The following UBE2F variants were observed in gnomAD, a reference collection of about 807,000 sequenced individuals.
UBE2F encodes NEDD8-conjugating enzyme UBE2F.
UBE2F carries 5 observed loss-of-function variants against 29.6 expected under a neutral mutation model. The ratio of observed to expected loss-of-function variants is 0.17; its 90% CI spans 0.09 to 0.36. UBE2F has a LOEUF of 0.36. Among genes scored for constraint, UBE2F ranks in the 10% least tolerant of loss-of-function variants. The pLI is 1.00. For synonymous variants in UBE2F, 66 were observed against 81.8 expected, an observed-to-expected ratio of 0.81 and a Z score of 1.04; for missense variants, 141 against 228.5, an observed-to-expected ratio of 0.62 and a Z score of 2.47.
intron 3 of UBE2F, among the ~76,000 whole-genome samples, chr2:237,989,813 A>T (rs1327528238): frequency 2.6e-5 from 4 of 151,600 alleles, no homozygotes; most frequent in African/African-American, 9.7e-5. Context: ...ATATCTTGAG[A>T]TTCTGTTAAA....
At position 237,967,367 on chromosome 2, in the gene UBE2F, C is replaced by T. The variant is rs2106314454; in HGVS notation, c.-17+235C>T. On this transcript the variant is annotated intron_variant, in intron 1 of 9. Coordinates refer to ENST00000272930, the MANE Select transcript of UBE2F (RefSeq NM_080678.3). The surrounding 1 kb of genome is among the most constrained non-coding windows in gnomAD (Gnocchi z 6.3). ...CGGGGGTCGGAGGCGGCGTCGGCGG[C>T]CGGGGCGCTGGCCTCGCCCGGCAGT... Among the ~76,000 whole-genome samples, 1 of 148,796 alleles carries T rather than the reference C, an allele frequency of 6.7e-6. No homozygotes were observed. Among genetic ancestry groups the T allele is most frequent in the African/African-American group, 2.4e-5 (1 of 41,140 alleles).
intron 2 of UBE2F, among the ~76,000 whole-genome samples, chr2:237,986,006 CATGTT>C (rs1462112636): frequency 6.6e-6 from 1 of 151,846 alleles, no homozygotes; most frequent in Non-Finnish European, 1.5e-5. Flanking sequence ...TATGTCTATT[CATGTT>C]TTTTGCCCAT....
At chr2:238,004,723 TAAGG>T (rs1432473077) in intron 4 of UBE2F, among the ~76,000 whole-genome samples, 1 of 152,108 alleles carries the variant, frequency 6.6e-6, no homozygotes, top group African/African-American at 2.4e-5. Flanking sequence ...CATCTGATCT[TAAGG>T]GAGGGAGATT....
chr2:237,969,664 C>G (rs914520182), intron 1 of UBE2F, among the ~76,000 whole-genome samples: 2 of 152,180 alleles, frequency 1.3e-5, no homozygotes. Flanking sequence ...AGTCTGCACA[C>G]GGGGCAGCAG....
rs1225129462 is a variant in UBE2F, at chr2:237,967,345, G to A, written c.-17+213G>A. Reference sequence around the variant, plus strand: ...CCGCGGGCCGCGGGCCGCGAGCCGGGGGTCGGAGGCGGCGTCGGCGGCCGG... The same window carrying A: ...CCGCGGGCCGCGGGCCGCGAGCCGGAGGTCGGAGGCGGCGTCGGCGGCCGG... On this transcript the variant is annotated intron_variant, in intron 1 of 9. Transcript: ENST00000272930. This position sits in a 1 kb window ranked among gnomAD's most constrained non-coding sequence, Gnocchi z 6.3. 1.4e-5 allele frequency among the ~76,000 whole-genome samples: 2 copies of A among 147,206 alleles called. No individual in the cohort carries two copies. Among genetic ancestry groups the A allele is most frequent in the African/African-American group, 2.4e-5 (1 of 40,942 alleles).
At chr2:238,033,743 C>T (rs74329489) in intron 8 of UBE2F, among the ~76,000 whole-genome samples, 2,181 of 152,312 alleles carry the variant, frequency 0.014, 45 homozygotes, top group African/African-American at 0.05. Context: ...TCAGGATCTC[C>T]CTGAATCTCC....
Position 237,967,065 on chromosome 2 carries a change from G to C in UBE2F, c.-84G>C. On this transcript the variant is annotated 5_prime_UTR_variant, in exon 1 of 10. Transcript: ENST00000272930. This position sits in a 1 kb window ranked among gnomAD's most constrained non-coding sequence, Gnocchi z 6.3. ...GTGCGGCTGTGAGGGGCCGCGTCTCGCAGCAGCCGCCCGGACCGGGCATGG... is the reference window on the plus strand; with the variant it reads ...GTGCGGCTGTGAGGGGCCGCGTCTCCCAGCAGCCGCCCGGACCGGGCATGG... 1 of 1,323,356 alleles carries C rather than the reference G, an allele frequency of 7.6e-7. No homozygotes were observed. The highest frequency in any genetic ancestry group is 9.7e-7 in the Non-Finnish European group (1 of 1,035,784). The allele number at this position is 1,323,356 out of a possible 1,614,324, so 82.0% of individuals were successfully genotyped here. A position where few individuals can be genotyped will look rare whatever the true frequency, so the allele number is the denominator to read the frequency against.
At chr2:238,019,243 G>C (rs2064235609) in intron 5 of UBE2F, among the ~76,000 whole-genome samples, 1 of 152,180 alleles carries the variant, frequency 6.6e-6, no homozygotes, top group African/African-American at 2.4e-5. Flanking sequence ...GGGCTGGTCA[G>C]ATTTCATCAG....
Position 238,030,570 on chromosome 2 carries a change from A to G in UBE2F, c.368A>G (p.His123Arg). Residue 123 changes from histidine to arginine, a missense_variant, in exon 7 of 10, where the codon CAT becomes CGT. By Grantham distance (29) the His-to-Arg change is conservative. Transcript: ENST00000272930. ...GTCTTTTTCAGTTTATTGAGAGAAC[A>G]TTCAATTGATGGCACTGGCTGGGCT... is the stretch of plus-strand genomic sequence containing the variant. ...GEICLSLLRE[H>R]SIDGTGWAPT... 6.2e-7 allele frequency: 1 copy of G among 1,613,642 alleles called. No homozygotes were observed. Among genetic ancestry groups the G allele is most frequent in the Non-Finnish European group, 8.5e-7 (1 of 1,179,762 alleles).
At chr2:238,000,864 CATT>C (rs1234637582) in intron 4 of UBE2F, among the ~76,000 whole-genome samples, 2 of 152,100 alleles carry the variant, frequency 1.3e-5, no homozygotes, top group Non-Finnish European at 2.9e-5. Flanking sequence ...GTATATATCT[CATT>C]ATAACTTTAA....
intron 2 of UBE2F, among the ~76,000 whole-genome samples, chr2:237,981,183 TG>T (rs1276999204): frequency 6.6e-6 from 1 of 152,154 alleles, no homozygotes; most frequent in East Asian, 1.9e-4. Context: ...GTTCTTCAGG[TG>T]GTGAGGGTGT....
In UBE2F at chr2:237,973,169, C is replaced by G; in HGVS notation, c.62C>G (p.Ala21Gly). ...DDGLKGSRTA[A>G]TASDSTRRVS... ...GGTCTCAAAGGGTCCCGGACGGCAG[C>G]CACAGCGTCCGACTCGACTCGGAGG... Residue 21 changes from alanine (A) to glycine (G), a missense_variant, in exon 2 of 10, where the codon GCC (alanine) becomes GGC (glycine). Coordinates refer to ENST00000272930, the MANE Select transcript of UBE2F (RefSeq NM_080678.3). The G allele has an allele frequency of 6.2e-7, 1 of 1,614,060 alleles. No individual in the cohort carries two copies. The highest frequency in any genetic ancestry group is 1.1e-5 in the South Asian group (1 of 91,082).
At chr2:238,019,459 C>A (rs541622043) in intron 5 of UBE2F, among the ~76,000 whole-genome samples, 1 of 152,086 alleles carries the variant, frequency 6.6e-6, no homozygotes, top group South Asian at 2.1e-4. Flanking sequence ...CCTCTGCCTG[C>A]GGGTTCAAGT....
In UBE2F at chr2:238,015,991, G is replaced by C. The variant is rs550519417; in HGVS notation, c.215-575G>C. ...GCTCAGACCCTGGGCTTCCTCCTTCGTGCCTACCAGCCCGCGTTTCTAGAA... is the reference window on the plus strand; with the variant it reads ...GCTCAGACCCTGGGCTTCCTCCTTCCTGCCTACCAGCCCGCGTTTCTAGAA... On this transcript the variant is annotated intron_variant, in intron 4 of 9. Transcript: ENST00000272930. 8.2e-4 allele frequency among the ~76,000 whole-genome samples: 125 copies of C among 152,220 alleles called. No homozygotes were observed. The Middle Eastern group carries it at 0.027, about 33-fold the overall frequency.
intron 8 of UBE2F, among the ~76,000 whole-genome samples, chr2:238,034,614 A>T (rs2064662942): frequency 6.6e-6 from 1 of 152,198 alleles, no homozygotes; most frequent in South Asian, 2.1e-4. Context: ...TGTGTGTCTG[A>T]TAACAGTCTT....
intron 2 of UBE2F, among the ~76,000 whole-genome samples, chr2:237,985,602 A>G (rs890293928): frequency 2.0e-5 from 3 of 152,360 alleles, no homozygotes; most frequent in African/African-American, 7.2e-5. Flanking sequence ...TCCAGTTGTC[A>G]GTGACACTTA....
intron 4 of UBE2F, among the ~76,000 whole-genome samples, chr2:238,008,325 T>C (rs557264174): frequency 2.0e-5 from 3 of 152,314 alleles, no homozygotes; most frequent in African/African-American, 4.8e-5. Context: ...TTTGTTTTGT[T>C]GTGGTAAGAT....
intron 2 of UBE2F, among the ~76,000 whole-genome samples, chr2:237,978,038 C>T (rs142824911): frequency 5.9e-5 from 9 of 152,234 alleles, no homozygotes; most frequent in Admixed American, 3.3e-4. Flanking sequence ...GAAGGCCCCA[C>T]GACAGCCTCT....
intron 2 of UBE2F, among the ~76,000 whole-genome samples, chr2:237,986,583 G>C (rs2106341270): frequency 6.6e-6 from 1 of 152,174 alleles, no homozygotes; most frequent in South Asian, 2.1e-4. Context: ...AAAAATCATT[G>C]CCAAGGCCCT....
Sources: allele counts gnomAD v4.1 joint callset (sites outside exome capture counted in the v4.1 genomes callset), GRCh38; gene constraint gnomAD v4.1.1; non-coding constraint Gnocchi (gnomAD v3.1); transcripts MANE v1.5; gene names NCBI Gene and HGNC (gene_info 2026-07-23, HGNC 2026-07-21).